Variants in RHOBTB1 observed in about 807,000 individuals in gnomAD.
RHOBTB1 encodes the protein rho-related BTB domain-containing protein 1.
A neutral mutation model predicts 71.6 loss-of-function variants in RHOBTB1; 40 were observed. That is an observed-to-expected ratio of 0.56 (90% CI 0.43 to 0.73). The LOEUF (loss-of-function observed/expected upper bound fraction) is 0.73, where lower values mean the gene tolerates loss of function less well. Ranked by LOEUF, RHOBTB1 falls within the 30% of genes least tolerant of loss-of-function variation. The pLI, the probability that RHOBTB1 is intolerant of heterozygous loss-of-function variation, is 0.00. For missense variants in RHOBTB1, 797 were observed against 894.0 expected (o/e 0.89, Z 1.38); for synonymous variants, 319 against 334.9 (o/e 0.95, Z 0.52).
chr10:60,888,197 C>T lies in RHOBTB1; in HGVS notation c.1456+15G>A. The T allele has an allele frequency of 1.9e-6, 3 of 1,607,250 alleles. No individual in the cohort carries two copies. The highest frequency in any genetic ancestry group is 2.6e-6 in the Non-Finnish European group (3 of 1,176,356). Reference sequence around the variant, plus strand: ...AATCAAAGGTATTAATGGCTCTGCCCCGCGGCCCACTCACCCGAGAACGTT... The same window carrying T: ...AATCAAAGGTATTAATGGCTCTGCCTCGCGGCCCACTCACCCGAGAACGTT... On this transcript the variant is annotated intron_variant, in intron 6 of 10. Transcript: ENST00000337910.
intron 2 of RHOBTB1, among the ~76,000 whole-genome samples, chr10:60,940,873 G>C (rs555678222): frequency 6.6e-6 from 1 of 152,204 alleles, no homozygotes; most frequent in Admixed American, 6.5e-5. Context: ...CAGCCTTCTG[G>C]CAAGTATAAT....
At chr10:60,885,385 G>A (rs903192347) in intron 7 of RHOBTB1, among the ~76,000 whole-genome samples, 3 of 152,188 alleles carry the variant, frequency 2.0e-5, no homozygotes, top group Non-Finnish European at 4.4e-5. Context: ...CTAAGCATAT[G>A]TCTCTTCTAG....
At chr10:60,940,464 T>G (rs906612134) in intron 2 of RHOBTB1, among the ~76,000 whole-genome samples, 1 of 152,180 alleles carries the variant, frequency 6.6e-6, no homozygotes, top group East Asian at 1.9e-4. Flanking sequence ...TGGTTAGGAT[T>G]TATCTATTAT....
At chr10:60,894,446 T>C (rs1045753501) in intron 4 of RHOBTB1, among the ~76,000 whole-genome samples, 1 of 152,328 alleles carries the variant, frequency 6.6e-6, no homozygotes, top group Admixed American at 6.5e-5. Context: ...AAAATATGCA[T>C]AAATATATAA....
intron 2 of RHOBTB1, among the ~76,000 whole-genome samples, chr10:60,928,019 C>T (rs549997723): frequency 3.4e-5 from 5 of 149,192 alleles, no homozygotes; most frequent in African/African-American, 1.2e-4. Flanking sequence ...AAAGGAACTG[C>T]ATAGATATTT....
the RHOBTB1 span, among the ~76,000 whole-genome samples, chr10:60,862,648 CTTTCTTT>C: frequency 2.0e-5 from 3 of 147,184 alleles, no homozygotes; most frequent in Admixed American, 1.4e-4. Context: ...TCCTTTCTCC[CTTTCTTT>C]TTTCTTTTTT....
chr10:60,915,316 T>C (rs912572410), intron 2 of RHOBTB1, among the ~76,000 whole-genome samples: 14 of 152,168 alleles, frequency 9.2e-5, no homozygotes, highest in African/African-American at 3.4e-4. Context: ...TTTATTTACG[T>C]AGAATGAGAG....
intron 2 of RHOBTB1, among the ~76,000 whole-genome samples, chr10:60,950,265 A>G (rs2085367357): frequency 6.6e-6 from 1 of 152,238 alleles, no homozygotes; most frequent in South Asian, 2.1e-4. Context: ...TTAAAAAGCA[A>G]AAATATGATT....
At chr10:60,903,388 G>C (rs567397303) in intron 4 of RHOBTB1, among the ~76,000 whole-genome samples, 5 of 152,268 alleles carry the variant, frequency 3.3e-5, no homozygotes, top group African/African-American at 1.2e-4. Context: ...ACCAACCCCA[G>C]TGAGAGGACC....
At chr10:60,978,018 A>T (rs1270723015) in intron 2 of RHOBTB1, among the ~76,000 whole-genome samples, 1 of 152,152 alleles carries the variant, frequency 6.6e-6, no homozygotes, top group Non-Finnish European at 1.5e-5. Context: ...ATGCCGATAT[A>T]TTTTACAGTG....
At chr10:60,936,510 G>C (rs966598663) in intron 2 of RHOBTB1, among the ~76,000 whole-genome samples, 2 of 152,166 alleles carry the variant, frequency 1.3e-5, no homozygotes, top group Non-Finnish European at 2.9e-5. Context: ...CTATATTTAA[G>C]ATTCCATGAC....
chr10:60,894,768 A>T (rs558801343), intron 4 of RHOBTB1, among the ~76,000 whole-genome samples: 1 of 152,360 alleles, frequency 6.6e-6, no homozygotes, highest in East Asian at 1.9e-4. Context: ...TATATCCAGC[A>T]CCTAAATGTG....
chr10:60,900,208 A>G lies in RHOBTB1; in HGVS notation c.297-7213T>C, dbSNP rs187715264. On this transcript the variant is annotated intron_variant, in intron 4 of 10. Coordinates refer to ENST00000337910, the MANE Select transcript of RHOBTB1 (RefSeq NM_014836.5). ...AAATTGGTGGCAAGGTAAGAGTGGGAGAGGACTGGGAGGGTCAGCGGATAG... is the reference window on the plus strand; with the variant it reads ...AAATTGGTGGCAAGGTAAGAGTGGGGGAGGACTGGGAGGGTCAGCGGATAG... Among the ~76,000 whole-genome samples, 340 of 152,256 alleles carry G rather than the reference A, an allele frequency of 2.2e-3. 1 individual carries two copies. Among genetic ancestry groups the G allele is most frequent in the African/African-American group, 7.2e-3 (298 of 41,542 alleles).
At chr10:60,861,303 G>A in the RHOBTB1 span, among the ~76,000 whole-genome samples, 1 of 152,180 alleles carries the variant, frequency 6.6e-6, no homozygotes, top group African/African-American at 2.4e-5. Flanking sequence ...GTTTGCATAT[G>A]TTCCGATATT....
chr10:60,994,946 CAG>C (rs1406413328), intron 1 of RHOBTB1, among the ~76,000 whole-genome samples: 5 of 147,996 alleles, frequency 3.4e-5, no homozygotes, highest in African/African-American at 1.3e-4. Flanking sequence ...AAACAAAAAA[CAG>C]AGCACATAAT....
chr10:60,883,272 C>G (rs1423312375), intron 7 of RHOBTB1, among the ~76,000 whole-genome samples: 1 of 152,212 alleles, frequency 6.6e-6, no homozygotes, highest in African/African-American at 2.4e-5. Context: ...GACCTCATCT[C>G]TCCAGCAGGG....
At position 60,870,004 on chromosome 10, in the gene RHOBTB1, A is replaced by G. The variant is rs1290701004; in HGVS notation, c.*1478T>C. The G allele has an allele frequency of 2.0e-5, 3 of 152,686 alleles. No individual in the cohort carries two copies. The highest frequency in any genetic ancestry group is 6.5e-5 in the Admixed American group (1 of 15,288). 9.5% of individuals were successfully genotyped at this position (152,686 alleles called of 1,614,324 possible). ...CATTTCCATCTTCTGAAAAGCTAGA[A>G]GAAAAAATAAAAATAAAAACAAAAT... is the stretch of plus-strand genomic sequence containing the variant. On this transcript the variant is annotated 3_prime_UTR_variant, in exon 11 of 11. Transcript: ENST00000337910.
At chr10:60,943,248 T>C (rs2085012045) in intron 1 of RHOBTB1, among the ~76,000 whole-genome samples, 1 of 152,242 alleles carries the variant, frequency 6.6e-6, no homozygotes, top group Non-Finnish European at 1.5e-5. Flanking sequence ...GTTGAGATGT[T>C]TGATACTGCT....
chr10:60,937,084 A>C (rs569630407), intron 2 of RHOBTB1, among the ~76,000 whole-genome samples: 1 of 152,200 alleles, frequency 6.6e-6, no homozygotes, highest in South Asian at 2.1e-4. Flanking sequence ...ACAAGTATTT[A>C]AAAAAAATAT....
Sources: allele counts gnomAD v4.1 joint callset (sites outside exome capture counted in the v4.1 genomes callset), GRCh38; gene constraint gnomAD v4.1.1; transcripts MANE v1.5; gene names NCBI Gene and HGNC (gene_info 2026-07-23, HGNC 2026-07-21).